The following HNF4G variants were observed in gnomAD, a reference collection of about 807,000 sequenced individuals.
HNF4G encodes the protein hepatocyte nuclear factor 4-gamma.
A neutral mutation model predicts 50.9 loss-of-function variants in HNF4G; 21 were observed. The ratio of observed to expected loss-of-function variants is 0.41; its 90% CI spans 0.29 to 0.59. The LOEUF is 0.59. HNF4G is among the 20% of genes least tolerant of loss of function. HNF4G has a pLI of 0.26. For synonymous variants in HNF4G, 198 were observed against 185.6 expected, an observed-to-expected ratio of 1.07 and a Z score of -0.54; for missense variants, 527 against 559.4, an observed-to-expected ratio of 0.94 and a Z score of 0.58.
intron 2 of HNF4G, among the ~76,000 whole-genome samples, chr8:75,511,578 C>T (rs1045720106): frequency 2.0e-5 from 3 of 152,218 alleles, no homozygotes; most frequent in Admixed American, 1.3e-4. Flanking sequence ...GTGTATTTAG[C>T]GTGACTTTAT....
At chr8:75,503,691 G>T (rs1563531965) in intron 2 of HNF4G, among the ~76,000 whole-genome samples, 1 of 152,144 alleles carries the variant, frequency 6.6e-6, no homozygotes, top group Non-Finnish European at 1.5e-5. Flanking sequence ...GATTTTTTGA[G>T]TCTGACAAAG....
intron 2 of HNF4G, among the ~76,000 whole-genome samples, chr8:75,533,274 AG>A (rs1248582830): frequency 2.0e-5 from 3 of 152,164 alleles, no homozygotes; most frequent in African/African-American, 7.2e-5. Flanking sequence ...TGCTTCTTAA[AG>A]CAGTAGTTCT....
At chr8:75,438,188 G>A (rs1465291342) in intron 1 of HNF4G, among the ~76,000 whole-genome samples, 1 of 152,092 alleles carries the variant, frequency 6.6e-6, no homozygotes, top group Non-Finnish European at 1.5e-5. Context: ...ATAAACATAT[G>A]CATATTTAAG....
At chr8:75,533,249 T>C (rs950322920) in intron 2 of HNF4G, among the ~76,000 whole-genome samples, 2 of 152,040 alleles carry the variant, frequency 1.3e-5, no homozygotes, top group Non-Finnish European at 2.9e-5. Flanking sequence ...AGAAGGTCTT[T>C]GCCTTCATAG....
At chr8:75,551,889 A>G (rs1055111333) in intron 4 of HNF4G, among the ~76,000 whole-genome samples, 5 of 152,176 alleles carry the variant, frequency 3.3e-5, no homozygotes, top group African/African-American at 1.2e-4. Context: ...TTCCTTGAAA[A>G]TGACTTCTGG....
intron 1 of HNF4G, among the ~76,000 whole-genome samples, chr8:75,426,068 A>C (rs956986434): frequency 3.3e-5 from 5 of 152,250 alleles, no homozygotes; most frequent in Admixed American, 1.3e-4. Context: ...AATAATTTAG[A>C]AAAGTGGTAG....
rs146213302 is a variant in HNF4G, at chr8:75,554,502, C to T, written c.645+1305C>T. Among the ~76,000 whole-genome samples, 1,301 of 152,166 alleles carry T rather than the reference C, an allele frequency of 8.5e-3. 11 individuals carry two copies. The highest frequency in any genetic ancestry group is 0.028 in the African/African-American group (1,173 of 41,518). On this transcript the variant is annotated intron_variant, in intron 5 of 9. Transcript: ENST00000396423. Reference sequence around the variant, plus strand: ...TAGCTTTCAGTTGCACTATAAATTACATCATTTCATTTAATTCTCTCAGGA... The same window carrying T: ...TAGCTTTCAGTTGCACTATAAATTATATCATTTCATTTAATTCTCTCAGGA...
At chr8:75,534,705 C>A (rs1052208721) in intron 2 of HNF4G, among the ~76,000 whole-genome samples, 1 of 151,832 alleles carries the variant, frequency 6.6e-6, no homozygotes, top group African/African-American at 2.4e-5. Flanking sequence ...TTTCTGTCAA[C>A]TTTCTTTAGA....
chr8:75,471,248 G>A (rs1812104557), intron 1 of HNF4G, among the ~76,000 whole-genome samples: 1 of 152,118 alleles, frequency 6.6e-6, no homozygotes, highest in South Asian at 2.1e-4. Context: ...TCTACTGCCA[G>A]TAGGGACTGT....
In HNF4G at chr8:75,539,958, A is replaced by C. The variant is rs762121115; in HGVS notation, c.-5A>C. 7.8e-7 allele frequency: 1 copy of C among 1,282,528 alleles called. No individual in the cohort carries two copies. The highest frequency in any genetic ancestry group is 1.5e-5 in the African/African-American group (1 of 68,126). The allele number at this position is 1,282,528 out of a possible 1,614,324, so 79.4% of individuals were successfully genotyped here. A position where few individuals can be genotyped will look rare whatever the true frequency, so the allele number is the denominator to read the frequency against. On this transcript the variant is annotated 5_prime_UTR_variant, in exon 1 of 10. Transcript: ENST00000396423. ...GGTGCCACTTGTATGTGTGTTTCTA[A>C]ATCAATGATGAGGGTATCAGAACCA... is the stretch of plus-strand genomic sequence containing the variant.
chr8:75,564,184 T>C lies in HNF4G; in HGVS notation c.*88T>C, dbSNP rs1807398537. 1 of 1,343,692 alleles carries C rather than the reference T, an allele frequency of 7.4e-7. No individual in the cohort carries two copies. Among genetic ancestry groups the C allele is most frequent in the Admixed American group, 1.9e-5 (1 of 52,962 alleles). 83.2% of individuals were successfully genotyped at this position (1,343,692 alleles called of 1,614,324 possible). On this transcript the variant is annotated 3_prime_UTR_variant, in exon 10 of 10. Transcript: ENST00000396423. ...CAGGATAGCACTTTTGGCAAACTCT[T>C]AGCCAAGGCTTCTTCATTGGTGCTG...
rs754901107 is a variant in HNF4G, at chr8:75,558,633, G to A, written c.849G>A (p.Glu283=). 1.9e-6 allele frequency: 3 copies of A among 1,613,810 alleles called. No individual in the cohort carries two copies. Among genetic ancestry groups the A allele is most frequent in the Admixed American group, 1.7e-5 (1 of 59,990 alleles). ...PFQEIQIDDN[E]YACLKAIVFF... ...AAGAAATCCAGATTGATGACAATGA[G>A]TATGCTTGTTTAAAGGCAATTGTAT... is the stretch of plus-strand genomic sequence containing the variant. The change falls in exon 7 of 10, where the codon GAG becomes GAA. Residue 283 remains glutamate, a synonymous_variant. Coordinates refer to ENST00000396423, the MANE Select transcript of HNF4G (RefSeq NM_004133.5).
At chr8:75,472,800 A>G (rs1018425334) in intron 1 of HNF4G, among the ~76,000 whole-genome samples, 1 of 152,184 alleles carries the variant, frequency 6.6e-6, no homozygotes, top group East Asian at 1.9e-4. Context: ...TGCTGTGCTC[A>G]TTATTATTTT....
chr8:75,544,004 A>G (rs751062402), intron 2 of HNF4G, 25 bp downstream of exon 2: 1 of 1,547,852 alleles, frequency 6.5e-7, no homozygotes, highest in Non-Finnish European at 8.7e-7. Flanking sequence ...CTTTTAGGCA[A>G]GTTATCTTTA....
chr8:75,508,507 T>A (rs1334481724), intron 2 of HNF4G, among the ~76,000 whole-genome samples: 1 of 152,156 alleles, frequency 6.6e-6, no homozygotes, highest in African/African-American at 2.4e-5. Flanking sequence ...AAAAAAGAAC[T>A]TTCTAGGTTT....
rs550478019 is a variant in HNF4G, at chr8:75,529,147, T to C, written c.-23-14664T>C. On this transcript the variant is annotated intron_variant, in intron 2 of 10. Coordinates refer to the HNF4G transcript ENST00000354370. ...TAAAAATACAAAAAAAAAAATTAGC[T>C]GGGAGTGGTGGCGGGCGCCTGTAGT... Among the ~76,000 whole-genome samples the C allele has an allele frequency of 5.9e-4, 89 of 151,800 alleles. No individual in the cohort carries two copies. In the South Asian group the frequency reaches 8.9e-3, roughly 15 times the overall value.
upstream of HNF4G, among the ~76,000 whole-genome samples, chr8:75,538,202 T>C (rs1450467451): frequency 1.3e-5 from 2 of 152,176 alleles, no homozygotes; most frequent in African/African-American, 4.8e-5. Flanking sequence ...AGGTTTCTTC[T>C]TGAATGCCAA....
chr8:75,519,786 G>A (rs34358637), intron 2 of HNF4G, among the ~76,000 whole-genome samples: 7,618 of 151,998 alleles, frequency 0.05, 265 homozygotes, highest in Non-Finnish European at 0.072. Context: ...ATCTGTTTAC[G>A]TCTTTGTATT....
upstream of HNF4G, among the ~76,000 whole-genome samples, chr8:75,537,772 A>G (rs1467959545): frequency 6.6e-6 from 1 of 152,186 alleles, no homozygotes; most frequent in African/African-American, 2.4e-5. Context: ...AAAAAAATTT[A>G]GTAAAGAACC....
Sources: gnomAD v4.1 joint callset for allele counts (sites outside exome capture counted in the v4.1 genomes callset) on GRCh38, gnomAD v4.1.1 for gene constraint, MANE v1.5 for transcripts, NCBI Gene and HGNC (gene_info 2026-07-23, HGNC 2026-07-21) for gene names.